TRPM5: variants seen among roughly 807,000 people sequenced by gnomAD.
The protein encoded by TRPM5 is transient receptor potential cation channel subfamily M member 5, also known as MLSN1 and TRP-related.
In TRPM5, 121 loss-of-function variants were observed where a neutral mutation model predicts 124.9. The observed-to-expected ratio is 0.97, with a 90% CI of 0.84 to 1.13. The LOEUF (loss-of-function observed/expected upper bound fraction) is 1.13. TRPM5 is among the 50% of genes most tolerant of loss of function. The pLI, the probability that TRPM5 is intolerant of heterozygous loss-of-function variation, is 0.00. For synonymous variants in TRPM5, 781 were observed against 700.5 expected, an observed-to-expected ratio of 1.11 and a Z score of -1.81; for missense variants, 1,643 against 1,589.1, an observed-to-expected ratio of 1.03 and a Z score of -0.58.
At chr11:2,411,791 G>T (rs756709191) in intron 16 of TRPM5, 24 bp from the exon 22 acceptor site, 2 of 1,611,460 alleles carry the variant, frequency 1.2e-6, no homozygotes, top group Non-Finnish European at 1.7e-6. Flanking sequence ...GGCTGATGCG[G>T]CTGCGGGGCC....
the TRPM5 span, among the ~76,000 whole-genome samples, chr11:2,444,121 C>G: frequency 1.3e-5 from 2 of 152,060 alleles, no homozygotes; most frequent in Non-Finnish European, 2.9e-5. Context: ...GCAGCCCTGC[C>G]GGCTCCCCAC....
chr11:2,434,705 GTGTC>G, the TRPM5 span, among the ~76,000 whole-genome samples: 3 of 151,424 alleles, frequency 2.0e-5, no homozygotes, highest in East Asian at 3.8e-4. Context: ...GTGTGTCTGT[GTGTC>G]TGTGTGGACA....
At chr11:2,407,616 T>C (rs1850349711) in intron 19 of TRPM5, 143 bp downstream of exon 24, 3 of 1,124,350 alleles carry the variant, frequency 2.7e-6, no homozygotes, top group Non-Finnish European at 3.8e-6. Context: ...CAGTCCAGGC[T>C]ATGCCACCTT....
the TRPM5 span, among the ~76,000 whole-genome samples, chr11:2,436,283 C>T: frequency 2.0e-5 from 3 of 152,222 alleles, no homozygotes; most frequent in African/African-American, 4.8e-5. Context: ...GGCTCCAGCC[C>T]GTGATGGGCC....
At chr11:2,442,462 T>C in the TRPM5 span, among the ~76,000 whole-genome samples, 228 of 152,058 alleles carry the variant, frequency 1.5e-3, no homozygotes, top group African/African-American at 5.2e-3. The surrounding 1 kb of genome is among the most constrained non-coding windows in gnomAD (Gnocchi z 5.9). Context: ...AGTGATCATA[T>C]TGATCATGGC....
chr11:2,418,584 GC>G lies in TRPM5; in HGVS notation c.656del (p.Gly219AlafsTer33), dbSNP rs1845722651. On this transcript the variant is annotated frameshift_variant, in exon 5 of 24. Transcript: ENST00000155858. LOFTEE classifies it high-confidence loss of function. ...AGCAGAGGACAGGGATCTCGATGCT[GC>G]CAGTGCCTGTGGACAGGGCACCCGT... The G allele has an allele frequency of 6.2e-7, 1 of 1,611,024 alleles. No homozygotes were observed. The highest frequency in any genetic ancestry group is 8.5e-7 in the Non-Finnish European group (1 of 1,179,354).
chr11:2,434,298 C>T, the TRPM5 span, among the ~76,000 whole-genome samples: 1 of 145,860 alleles, frequency 6.9e-6, no homozygotes, highest in East Asian at 2.1e-4. Flanking sequence ...ATGTGTGTGG[C>T]TGCACTGTGT....
At chr11:2,418,620 G>A (rs750645233) in intron 4 of TRPM5, 29 bp from the exon 10 acceptor site, 4 of 1,600,500 alleles carry the variant, frequency 2.5e-6, no homozygotes, top group Non-Finnish European at 3.4e-6. Context: ...TGAGGCCTGA[G>A]GACCCTCCGC....
chr11:2,435,673 A>C, the TRPM5 span, among the ~76,000 whole-genome samples: 1 of 150,398 alleles, frequency 6.6e-6, no homozygotes, highest in Non-Finnish European at 1.5e-5. The surrounding 1 kb of genome is among the most constrained non-coding windows in gnomAD (Gnocchi z 4.1). Flanking sequence ...CCATCTGTCC[A>C]TGTGCATCTG....
At chr11:2,407,382 T>C (rs1333698444) in intron 19 of TRPM5, 82 bp from the exon 25 acceptor site, 7 of 1,383,928 alleles carry the variant, frequency 5.1e-6, no homozygotes, top group African/African-American at 2.9e-5. Flanking sequence ...CTGATTGCTG[T>C]TGGGGAGCCC....
chr11:2,422,123 T>C lies in TRPM5; in HGVS notation c.298+18A>G. ...CCCTGTGGGGTGGGAGCGCTGCCTG[T>C]GCCGGGTGGGGCCTCACCTGTGCTC... On this transcript the variant is annotated intron_variant, in intron 2 of 23. Transcript: ENST00000155858. 1 of 1,573,092 alleles carries C rather than the reference T, an allele frequency of 6.4e-7. No homozygotes were observed. The highest frequency in any genetic ancestry group is 1.2e-5 in the South Asian group (1 of 86,068).
At chr11:2,430,143 A>G in the TRPM5 span, among the ~76,000 whole-genome samples, 1 of 151,944 alleles carries the variant, frequency 6.6e-6, no homozygotes, top group African/African-American at 2.4e-5. Flanking sequence ...GCTCCCTATT[A>G]CCCTGACAAT....
At position 2,415,063 on chromosome 11, in the gene TRPM5, G is replaced by A. The variant is rs771477755; in HGVS notation, c.1480-16C>T. ...GGCCCTTCTCCTGGAGGACACGGGC[G>A]TCGGCCTCCTGCTGCGGCCCCAGCC... On this transcript the variant is annotated splice_polypyrimidine_tract_variant and intron_variant, in intron 9 of 23. Coordinates refer to ENST00000155858, the Ensembl canonical transcript of TRPM5. The A allele has an allele frequency of 5.0e-6, 8 of 1,594,962 alleles. No homozygotes were observed. The highest frequency in any genetic ancestry group is 1.3e-5 in the African/African-American group (1 of 74,698).
the TRPM5 span, among the ~76,000 whole-genome samples, chr11:2,443,137 T>C: frequency 6.6e-6 from 1 of 152,224 alleles, no homozygotes; most frequent in Non-Finnish European, 1.5e-5. This position sits in a 1 kb window ranked among gnomAD's most constrained non-coding sequence, Gnocchi z 5.0. Context: ...ACCTGTACAT[T>C]CTTGTAGAAT....
At chr11:2,433,030 C>T in the TRPM5 span, among the ~76,000 whole-genome samples, 6 of 152,228 alleles carry the variant, frequency 3.9e-5, no homozygotes, top group Non-Finnish European at 7.3e-5. Flanking sequence ...GCCGCACGTC[C>T]GTCCCCACTC....
chr11:2,443,049 TC>T, the TRPM5 span, among the ~76,000 whole-genome samples: 1 of 152,366 alleles, frequency 6.6e-6, no homozygotes, highest in East Asian at 1.9e-4. The surrounding 1 kb of genome is among the most constrained non-coding windows in gnomAD (Gnocchi z 5.0). Context: ...TTTTAATTTT[TC>T]TTATTTTATC....
intron 23 of TRPM5, 142 bp from the exon 29 acceptor site, chr11:2,405,185 G>A: frequency 1.5e-6 from 1 of 682,832 alleles, no homozygotes; most frequent in East Asian, 2.7e-5. Flanking sequence ...GGGAAGATGG[G>A]GAGCCCAGAG....
chr11:2,436,889 G>T, the TRPM5 span, among the ~76,000 whole-genome samples: 1 of 152,224 alleles, frequency 6.6e-6, no homozygotes, highest in Non-Finnish European at 1.5e-5. Flanking sequence ...CAAAGTGAAC[G>T]CAGCCAGAAG....
chr11:2,420,260 A>C (rs140140406), exon 4 of TRPM5: 100 of 1,610,420 alleles, frequency 6.2e-5, no homozygotes, highest in Non-Finnish European at 7.7e-5. Context: ...GTGCTTCTCC[A>C]GCCTCAGCCG....
Sources: gnomAD v4.1 joint callset for allele counts (sites outside exome capture counted in the v4.1 genomes callset) on GRCh38, gnomAD v4.1.1 for gene constraint, Gnocchi (gnomAD v3.1) non-coding constraint, MANE v1.5 for transcripts, NCBI Gene and HGNC (gene_info 2026-07-23, HGNC 2026-07-21) for gene names.